Variants in SAP30BP observed in about 807,000 individuals in gnomAD.
SAP30BP encodes the protein SAP30-binding protein.
Under a neutral mutation model 46.3 loss-of-function variants are expected in SAP30BP, and 31 were observed. That is an observed-to-expected ratio of 0.67 (90% CI 0.50 to 0.90). The LOEUF is 0.90. Ranked by LOEUF, SAP30BP falls within the 40% of genes least tolerant of loss-of-function variation. SAP30BP has a pLI of 0.00. For synonymous variants in SAP30BP, 169 were observed against 144.2 expected, an observed-to-expected ratio of 1.17 and a Z score of -1.23; for missense variants, 312 against 391.0, an observed-to-expected ratio of 0.80 and a Z score of 1.70.
intron 3 of SAP30BP, among the ~76,000 whole-genome samples, chr17:75,676,074 T>A (rs2059986300): frequency 1.3e-5 from 2 of 152,276 alleles, no homozygotes; most frequent in South Asian, 4.1e-4. Flanking sequence ...ATATAACTGC[T>A]TTTGCATTCA....
At chr17:75,687,607 C>T (rs560499210) in intron 3 of SAP30BP, among the ~76,000 whole-genome samples, 87 of 150,064 alleles carry the variant, frequency 5.8e-4, no homozygotes, top group African/African-American at 2.0e-3. Context: ...CAGAGTGAGA[C>T]CCTGTCTCAG....
chr17:75,674,690 G>GGT (rs2059958373), intron 3 of SAP30BP, among the ~76,000 whole-genome samples: 1 of 39,578 alleles, frequency 2.5e-5, no homozygotes, highest in African/African-American at 6.6e-5. Context: ...TTTTTTGTTT[G>GGT]TTTTTTGTTT....
chr17:75,674,522 A>T (rs1265826139), intron 3 of SAP30BP, among the ~76,000 whole-genome samples: 1 of 151,480 alleles, frequency 6.6e-6, no homozygotes, highest in African/African-American at 2.4e-5. Context: ...TCTTGAACTC[A>T]TGGCCTCAAG....
Position 75,667,379 on chromosome 17 carries a change from G to C in SAP30BP, c.7G>C (p.Gly3Arg), listed in dbSNP as rs1403049583. 2 of 1,614,144 alleles carry C rather than the reference G, an allele frequency of 1.2e-6. No homozygotes were observed. Among genetic ancestry groups the C allele is most frequent in the South Asian group, 2.2e-5 (2 of 91,070 alleles). The change falls in exon 1 of 11, where the codon GGG (glycine) becomes CGG (arginine). Residue 3 changes from glycine to arginine, a missense_variant. Physicochemically the swap from Gly to Arg is moderately radical, Grantham distance 125. Around this residue, in one of 2 missense-constraint regions of SAP30BP, gnomAD observed 296 missense variants for 346.6 expected, o/e 0.85. Coordinates refer to ENST00000584667, the MANE Select transcript of SAP30BP (RefSeq NM_013260.8). MA[G>R]KKNVLSSLAV... is the part of the protein sequence containing the mutation. Reference sequence around the variant, plus strand: ...CCCGGGCTGTGGGAATAAGATGGCGGGGAAGAAGAATGTTCTGTCGTCTCT... The same window carrying C: ...CCCGGGCTGTGGGAATAAGATGGCGCGGAAGAAGAATGTTCTGTCGTCTCT...
chr17:75,667,554 G>A (rs1057509430), intron 1 of SAP30BP, 76 bp downstream of exon 1: 36 of 1,348,774 alleles, frequency 2.7e-5, no homozygotes, highest in Non-Finnish European at 3.5e-5. Flanking sequence ...GGGCGGGAGG[G>A]AACAAGATGG....
At chr17:75,703,942 A>G (rs1214305684) in intron 8 of SAP30BP, 83 bp downstream of exon 8, 1 of 1,048,130 alleles carries the variant, frequency 9.5e-7, no homozygotes, top group Non-Finnish European at 1.5e-6. Flanking sequence ...TCCAGGTGAC[A>G]CATATTTCAG....
At chr17:75,687,986 C>T (rs1444055996) in intron 3 of SAP30BP, among the ~76,000 whole-genome samples, 1 of 150,166 alleles carries the variant, frequency 6.7e-6, no homozygotes, top group Non-Finnish European at 1.5e-5. Flanking sequence ...AGTGCTTGAG[C>T]ACCTTCTGTG....
At chr17:75,682,059 T>TTTTTTATAAAAATATAAAATG (rs1473585408) in intron 3 of SAP30BP, among the ~76,000 whole-genome samples, 1 of 152,058 alleles carries the variant, frequency 6.6e-6, no homozygotes, top group African/African-American at 2.4e-5. Context: ...ACAGAGTTAT[T>TTTTTTATAAAAATATAAAATG]TTTTTATAAA....
At chr17:75,670,998 GT>G (rs2059899427) in intron 2 of SAP30BP, among the ~76,000 whole-genome samples, 1 of 152,208 alleles carries the variant, frequency 6.6e-6, no homozygotes, top group African/African-American at 2.4e-5. Flanking sequence ...AAGGTAGCTG[GT>G]CCAGCATCTG....
At chr17:75,672,618 T>C (rs1412282663) in intron 3 of SAP30BP, among the ~76,000 whole-genome samples, 1 of 152,116 alleles carries the variant, frequency 6.6e-6, no homozygotes, top group Non-Finnish European at 1.5e-5. Context: ...AAGACTTAAT[T>C]ATATCACTCT....
intron 2 of SAP30BP, among the ~76,000 whole-genome samples, chr17:75,669,365 C>T (rs2059874828): frequency 6.6e-6 from 1 of 152,134 alleles, no homozygotes; most frequent in Admixed American, 6.5e-5. Flanking sequence ...TGCCCTCAGC[C>T]TCCTGAGTAG....
At chr17:75,687,268 A>C (rs539627311) in intron 3 of SAP30BP, among the ~76,000 whole-genome samples, 1 of 152,338 alleles carries the variant, frequency 6.6e-6, no homozygotes, top group Non-Finnish European at 1.5e-5. Context: ...TGAATTAACT[A>C]TACAGTAATT....
In SAP30BP at chr17:75,706,599, A is replaced by T; in HGVS notation, c.*78A>T. The T allele has an allele frequency of 1.5e-6, 2 of 1,357,888 alleles. No individual in the cohort carries two copies. The highest frequency in any genetic ancestry group is 2.1e-6 in the Non-Finnish European group (2 of 969,964). The allele number at this position is 1,357,888 out of a possible 1,614,324, so 84.1% of individuals were successfully genotyped here. Reference sequence around the variant, plus strand: ...CCCAGTGGGAGGCGCCACTTTGTATATTTCAGGACTGGGACCTACTCCCCA... The same window carrying T: ...CCCAGTGGGAGGCGCCACTTTGTATTTTTCAGGACTGGGACCTACTCCCCA... On this transcript the variant is annotated 3_prime_UTR_variant, in exon 11 of 11. Transcript: ENST00000584667. The surrounding 1 kb of genome is among the most constrained non-coding windows in gnomAD (Gnocchi z 4.6).
chr17:75,692,633 C>A (rs2060257026), intron 3 of SAP30BP: 2 of 399,482 alleles, frequency 5.0e-6, no homozygotes, highest in Admixed American at 6.4e-5. Flanking sequence ...TTAGATGAAA[C>A]ATTTACTACA....
chr17:75,678,012 T>G (rs1037140052), intron 3 of SAP30BP, among the ~76,000 whole-genome samples: 7 of 152,088 alleles, frequency 4.6e-5, no homozygotes, highest in African/African-American at 1.7e-4. Flanking sequence ...CGTTAAGTTG[T>G]TAGCCTTATG....
intron 3 of SAP30BP, among the ~76,000 whole-genome samples, chr17:75,672,752 T>A (rs1248366684): frequency 1.3e-5 from 2 of 150,976 alleles, no homozygotes; most frequent in Non-Finnish European, 3.0e-5. Flanking sequence ...AGGTCAGGAG[T>A]TCAAGACCAG....
intron 3 of SAP30BP, among the ~76,000 whole-genome samples, chr17:75,685,190 A>G (rs1041236012): frequency 2.0e-5 from 3 of 152,112 alleles, no homozygotes; most frequent in African/African-American, 7.2e-5. Flanking sequence ...GCCAGATGCC[A>G]TGGATTGCTA....
At position 75,705,528 on chromosome 17, in the gene SAP30BP, C is replaced by A. The variant is rs577050702; in HGVS notation, c.661-480C>A. ...TGGGCCAGGAACGTGGGAGCTGGTG[C>A]AAGGGGATAGTTGGGGTTTCTCATT... On this transcript the variant is annotated intron_variant, in intron 9 of 10. Transcript: ENST00000584667. 91 of 743,216 alleles carry A rather than the reference C, an allele frequency of 1.2e-4. No individual in the cohort carries two copies. The African/African-American group carries it at 1.7e-3, about 14-fold the overall frequency. 46.0% of individuals were successfully genotyped at this position (743,216 alleles called of 1,614,324 possible). A position where few individuals can be genotyped will look rare whatever the true frequency, so the allele number is the denominator to read the frequency against.
Position 75,702,465 on chromosome 17 carries a change from T to G in SAP30BP, c.397-15T>G. On this transcript the variant is annotated splice_polypyrimidine_tract_variant and intron_variant, in intron 5 of 10. Transcript: ENST00000584667. The stretch of plus-strand genomic sequence containing the variant: ...CTGTCATACACCCCCCCACCCCCTC[T>G]GCTCCTCTTCACAGGACAAGATCCA... 1 of 1,298,640 alleles carries G rather than the reference T, an allele frequency of 7.7e-7. No individual in the cohort carries two copies. The highest frequency in any genetic ancestry group is 1.1e-6 in the Non-Finnish European group (1 of 899,538). The allele number at this position is 1,298,640 out of a possible 1,614,324, so 80.4% of individuals were successfully genotyped here.
Sources: gnomAD v4.1 joint callset for allele counts (sites outside exome capture counted in the v4.1 genomes callset) on GRCh38, gnomAD v4.1.1 for gene constraint, gnomAD v4.1.1 regional missense constraint, Gnocchi (gnomAD v3.1) non-coding constraint, MANE v1.5 for transcripts, NCBI Gene and HGNC (gene_info 2026-07-23, HGNC 2026-07-21) for gene names.